The following RUNDC3B variants were observed in gnomAD, a reference collection of about 807,000 sequenced individuals.
RUNDC3B encodes the protein RUN domain containing 3B.
In RUNDC3B, 33 loss-of-function variants were observed where a neutral mutation model predicts 58.4. The observed-to-expected ratio is 0.56, with a 90% CI of 0.43 to 0.75. RUNDC3B has a LOEUF of 0.75. RUNDC3B is among the 30% of genes least tolerant of loss of function. The pLI, the probability that RUNDC3B is intolerant of heterozygous loss-of-function variation, is 0.00. For synonymous variants in RUNDC3B, 193 were observed against 195.2 expected, an observed-to-expected ratio of 0.99 and a Z score of 0.10; for missense variants, 501 against 535.7, an observed-to-expected ratio of 0.94 and a Z score of 0.64.
chr7:87,690,923 A>G (rs1199214106), intron 2 of RUNDC3B, among the ~76,000 whole-genome samples: 1 of 152,098 alleles, frequency 6.6e-6, no homozygotes, highest in Non-Finnish European at 1.5e-5. Flanking sequence ...TATTAGAAAA[A>G]AATATATATG....
chr7:87,720,959 T>G (rs1398914523), intron 4 of RUNDC3B, among the ~76,000 whole-genome samples: 1 of 151,894 alleles, frequency 6.6e-6, no homozygotes, highest in Non-Finnish European at 1.5e-5. Context: ...TTTAACTATT[T>G]AAAATATTAT....
chr7:87,676,580 T>G (rs1306836154), intron 2 of RUNDC3B, among the ~76,000 whole-genome samples: 1 of 151,810 alleles, frequency 6.6e-6, no homozygotes, highest in Non-Finnish European at 1.5e-5. Context: ...GGTGTATGCC[T>G]GTAGTCCCAG....
rs1166365108 is a variant in RUNDC3B, at chr7:87,777,804, C to T, written c.805C>T (p.Leu269Phe). 1 of 1,613,276 alleles carries T rather than the reference C, an allele frequency of 6.2e-7. No individual in the cohort carries two copies. The highest frequency in any genetic ancestry group is 1.7e-5 in the Admixed American group (1 of 59,918). Residue 269 changes from leucine to phenylalanine, a missense_variant, in exon 8 of 11, where the codon CTT becomes TTT. Leu to Phe is a conservative substitution (Grantham distance 22, BLOSUM62 0). Coordinates refer to ENST00000394654, the MANE Select transcript of RUNDC3B (RefSeq NM_001134405.2). Reference protein sequence around the residue: ...YQLTLEQKGYLEELLRLRENQ... With the variant: ...YQLTLEQKGYFEELLRLRENQ... ...GATGATACTGGATTTCCAGGGTTACCTTGAAGAACTCTTACGACTTCGAGA... is the reference window on the plus strand; with the variant it reads ...GATGATACTGGATTTCCAGGGTTACTTTGAAGAACTCTTACGACTTCGAGA...
intron 6 of RUNDC3B, among the ~76,000 whole-genome samples, chr7:87,756,534 C>G (rs2130844914): frequency 6.6e-6 from 1 of 151,986 alleles, no homozygotes; most frequent in South Asian, 2.1e-4. Flanking sequence ...GGCCTTTGGA[C>G]TACATTTAAA....
At chr7:87,724,078 G>A (rs750626951) in intron 4 of RUNDC3B, among the ~76,000 whole-genome samples, 13 of 152,028 alleles carry the variant, frequency 8.6e-5, no homozygotes, top group African/African-American at 2.7e-4. Flanking sequence ...TAAAAACCAC[G>A]TGGGTGTGGT....
At chr7:87,715,448 T>C (rs1427392284) in intron 4 of RUNDC3B, among the ~76,000 whole-genome samples, 1 of 129,888 alleles carries the variant, frequency 7.7e-6, no homozygotes, top group Non-Finnish European at 1.6e-5. Flanking sequence ...TAATATAATA[T>C]ATAATTATAT....
chr7:87,783,326 C>T (rs1311924676), intron 8 of RUNDC3B, among the ~76,000 whole-genome samples: 1 of 152,092 alleles, frequency 6.6e-6, no homozygotes, highest in African/African-American at 2.4e-5. Context: ...ATAGGACCCC[C>T]TGCTCTTTTT....
At chr7:87,829,091 C>T (rs1168890223) in intron 10 of RUNDC3B, among the ~76,000 whole-genome samples, 1 of 152,080 alleles carries the variant, frequency 6.6e-6, no homozygotes, top group South Asian at 2.1e-4. Context: ...AGCATATATT[C>T]ATGATTGTTG....
intron 2 of RUNDC3B, among the ~76,000 whole-genome samples, chr7:87,668,721 A>G (rs1825521614): frequency 6.6e-6 from 1 of 152,012 alleles, no homozygotes; most frequent in African/African-American, 2.4e-5. Flanking sequence ...TTCTGTCTTA[A>G]TTTCATTATT....
At chr7:87,733,005 T>C (rs551479222) in intron 4 of RUNDC3B, among the ~76,000 whole-genome samples, 60 of 152,286 alleles carry the variant, frequency 3.9e-4, no homozygotes, top group African/African-American at 1.4e-3. Flanking sequence ...GGAAACAGGA[T>C]GTGAAGCTAG....
At chr7:87,707,665 C>T (rs1829727689) in intron 3 of RUNDC3B, among the ~76,000 whole-genome samples, 7 of 151,614 alleles carry the variant, frequency 4.6e-5, no homozygotes, top group Admixed American at 4.6e-4. Context: ...TAGAGCAAGA[C>T]CCTGTCATAA....
chr7:87,800,304 T>G (rs1836069574), intron 8 of RUNDC3B, among the ~76,000 whole-genome samples: 1 of 152,186 alleles, frequency 6.6e-6, no homozygotes, highest in Non-Finnish European at 1.5e-5. Context: ...AGAGAATAAC[T>G]TTGAATTGGC....
At chr7:87,662,219 A>T (rs1824781891) in intron 2 of RUNDC3B, among the ~76,000 whole-genome samples, 1 of 151,924 alleles carries the variant, frequency 6.6e-6, no homozygotes, top group Non-Finnish European at 1.5e-5. Context: ...CACTTTGTTG[A>T]TTGTTTACTT....
intron 9 of RUNDC3B, among the ~76,000 whole-genome samples, chr7:87,812,009 A>G (rs370322423): frequency 2.0e-5 from 3 of 152,196 alleles, no homozygotes; most frequent in African/African-American, 4.8e-5. Flanking sequence ...ATCTCCTTCT[A>G]TGTATCACAC....
At chr7:87,815,577 A>G (rs1368016018) in intron 9 of RUNDC3B, among the ~76,000 whole-genome samples, 2 of 152,092 alleles carry the variant, frequency 1.3e-5, no homozygotes, top group African/African-American at 4.8e-5. Context: ...TAGCAACTAG[A>G]TGAGAGTTTA....
At chr7:87,808,659 G>A (rs1836559109) in intron 9 of RUNDC3B, among the ~76,000 whole-genome samples, 1 of 152,000 alleles carries the variant, frequency 6.6e-6, no homozygotes, top group South Asian at 2.1e-4. Context: ...TTCTTAGTAT[G>A]ATTCAAGGTA....
intron 2 of RUNDC3B, among the ~76,000 whole-genome samples, chr7:87,694,535 A>G (rs1416062290): frequency 2.0e-5 from 3 of 152,234 alleles, no homozygotes; most frequent in African/African-American, 7.2e-5. Context: ...AAAGTAAAAA[A>G]CAAATGTCAT....
chr7:87,738,126 A>G (rs772876332), intron 4 of RUNDC3B, among the ~76,000 whole-genome samples: 1 of 152,068 alleles, frequency 6.6e-6, no homozygotes, highest in African/African-American at 2.4e-5. Context: ...ATAATGGGTT[A>G]TTGGCAGTAT....
intron 2 of RUNDC3B, among the ~76,000 whole-genome samples, 178 bp from the exon 3 acceptor site, chr7:87,700,243 A>G (rs1007951678): frequency 3.3e-5 from 5 of 152,144 alleles, no homozygotes; most frequent in African/African-American, 1.2e-4. Context: ...AACTAACACC[A>G]CTAGTTAAAG....
Sources: gnomAD v4.1 joint callset for allele counts (sites outside exome capture counted in the v4.1 genomes callset) on GRCh38, gnomAD v4.1.1 for gene constraint, MANE v1.5 for transcripts, NCBI Gene and HGNC (gene_info 2026-07-23, HGNC 2026-07-21) for gene names.